CAMTA1: variants seen among roughly 807,000 people sequenced by gnomAD.
The protein encoded by CAMTA1 is calmodulin-binding transcription activator 1.
Under a neutral mutation model 170.9 loss-of-function variants are expected in CAMTA1, and 27 were observed. The ratio of observed to expected loss-of-function variants is 0.16; its 90% CI spans 0.12 to 0.22. The LOEUF is 0.22. CAMTA1 is among the 10% of genes least tolerant of loss of function. CAMTA1 has a pLI of 1.00. For synonymous variants in CAMTA1, 833 were observed against 891.5 expected, an observed-to-expected ratio of 0.93 and a Z score of 1.17; for missense variants, 1,619 against 2,217.2, an observed-to-expected ratio of 0.73 and a Z score of 5.42.
chr1:7,265,006 G>A (rs966502471), intron 5 of CAMTA1, among the ~76,000 whole-genome samples: 1 of 152,206 alleles, frequency 6.6e-6, no homozygotes, highest in East Asian at 1.9e-4. Context: ...GCTGACACCA[G>A]GGCCTGCAGG....
intron 6 of CAMTA1, among the ~76,000 whole-genome samples, chr1:7,520,220 C>T (rs1420099738): frequency 4.0e-3 from 5 of 1,236 alleles, no homozygotes; most frequent in Non-Finnish European, 0.015. Context: ...CCTCCTCCTC[C>T]TCCTCCTCCC....
chr1:7,573,748 C>T (rs1463207670), intron 6 of CAMTA1, among the ~76,000 whole-genome samples: 2 of 152,276 alleles, frequency 1.3e-5, no homozygotes, highest in South Asian at 2.1e-4. Context: ...CGCAGCATGA[C>T]ATCATCGTTT....
At chr1:7,551,693 G>A (rs1334219489) in intron 6 of CAMTA1, among the ~76,000 whole-genome samples, 1 of 152,204 alleles carries the variant, frequency 6.6e-6, no homozygotes, top group East Asian at 1.9e-4. Context: ...GGTCCCCGTG[G>A]CCCTCAGAGC....
intron 5 of CAMTA1, among the ~76,000 whole-genome samples, chr1:7,254,134 A>G (rs11578746): frequency 0.11 from 17,165 of 152,208 alleles, 1,220 homozygotes; most frequent in Middle Eastern, 0.17. Context: ...GAGGGCTGGG[A>G]AATATTAATG....
intron 3 of CAMTA1, among the ~76,000 whole-genome samples, chr1:7,087,726 T>C (rs1470066698): frequency 6.6e-6 from 1 of 152,176 alleles, no homozygotes; most frequent in African/African-American, 2.4e-5. Flanking sequence ...ATTTCATAGT[T>C]TGTTATGAAG....
intron 5 of CAMTA1, among the ~76,000 whole-genome samples, chr1:7,418,461 A>T (rs111336431): frequency 2.0e-5 from 3 of 152,084 alleles, no homozygotes; most frequent in African/African-American, 7.2e-5. Context: ...GGCCTCCCAA[A>T]GTGCTTGGAT....
chr1:7,696,824 T>C (rs2096382161), intron 11 of CAMTA1, among the ~76,000 whole-genome samples: 3 of 152,156 alleles, frequency 2.0e-5, no homozygotes, highest in Admixed American at 2.0e-4. Context: ...CCATACACTC[T>C]GCACGGGAGG....
At chr1:7,003,472 A>G (rs888748024) in intron 3 of CAMTA1, among the ~76,000 whole-genome samples, 17 of 152,208 alleles carry the variant, frequency 1.1e-4, no homozygotes, top group East Asian at 7.7e-4. Context: ...ATAGATGGCT[A>G]TGTTAGTAGA....
At chr1:7,504,324 C>T (rs2478271) in intron 6 of CAMTA1, among the ~76,000 whole-genome samples, 53,842 of 152,208 alleles carry the variant, frequency 0.35, 9,752 homozygotes, top group Middle Eastern at 0.49. Context: ...CCAGGTGTGG[C>T]TCCTGGTACC....
At chr1:7,766,287 C>T (rs697672) in intron 22 of CAMTA1, among the ~76,000 whole-genome samples, 172 bp from the exon 23 acceptor site, 134,655 of 152,114 alleles carry the variant, frequency 0.89, 59,690 homozygotes, top group East Asian at 0.97. Context: ...TCACGTCTTT[C>T]CTTTGAATAT....
At chr1:7,379,539 C>T (rs1030807598) in intron 5 of CAMTA1, among the ~76,000 whole-genome samples, 1 of 152,220 alleles carries the variant, frequency 6.6e-6, no homozygotes, top group African/African-American at 2.4e-5. Context: ...TTTCAAACCG[C>T]TGGCAGAAAA....
At chr1:7,059,861 A>G (rs748217330) in intron 3 of CAMTA1, among the ~76,000 whole-genome samples, 1 of 152,198 alleles carries the variant, frequency 6.6e-6, no homozygotes, top group East Asian at 1.9e-4. Context: ...TAGGATCTAA[A>G]TCTCACAAAA....
intron 4 of CAMTA1, among the ~76,000 whole-genome samples, chr1:7,168,597 T>A (rs1333818425): frequency 6.6e-6 from 1 of 152,066 alleles, no homozygotes; most frequent in Non-Finnish European, 1.5e-5. Flanking sequence ...AGAGACAGAG[T>A]TTCACCATGT....
At chr1:7,731,077 A>C (rs1052243925) in intron 11 of CAMTA1, among the ~76,000 whole-genome samples, 2 of 151,864 alleles carry the variant, frequency 1.3e-5, no homozygotes, top group African/African-American at 4.8e-5. Context: ...CAATTCTAAC[A>C]TGTGTATGTT....
Position 7,064,110 on chromosome 1 carries a change from CCCT to C in CAMTA1, c.235-27184_235-27182del, listed in dbSNP as rs975840790. Among the ~76,000 whole-genome samples the C allele has an allele frequency of 8.0e-5, 12 of 149,864 alleles. No individual in the cohort carries two copies. The highest frequency in any genetic ancestry group is 2.1e-4 in the South Asian group (1 of 4,690). On this transcript the variant is annotated intron_variant, in intron 3 of 22. Transcript: ENST00000303635. This position sits in a 1 kb window ranked among gnomAD's most constrained non-coding sequence, Gnocchi z 5.4. ...TCCTTCTTCTCCTCCTTCTCTCCTT[CCCT>C]CCTCCTCCTTCTTCTTCTCCTCCTC...
At chr1:7,395,013 G>T (rs1161952115) in intron 5 of CAMTA1, among the ~76,000 whole-genome samples, 1 of 151,968 alleles carries the variant, frequency 6.6e-6, no homozygotes, top group East Asian at 1.9e-4. Flanking sequence ...GTCCCAAGTA[G>T]CCAGGACTAC....
In CAMTA1 at chr1:7,011,110, C is replaced by G. The variant is rs1280004990; in HGVS notation, c.235-80194C>G. ...TTACTGGCTTCTGTCTTGGCATGGT[C>G]TCTGCAGAAGGAAGCCACTGCAGAC... On this transcript the variant is annotated intron_variant, in intron 3 of 22. Transcript: ENST00000303635. 2.0e-5 allele frequency among the ~76,000 whole-genome samples: 3 copies of G among 152,226 alleles called. No homozygotes were observed. In the East Asian group the frequency reaches 5.8e-4, roughly 29 times the overall value.
intron 3 of CAMTA1, among the ~76,000 whole-genome samples, chr1:7,017,291 C>G (rs1004389859): frequency 6.6e-6 from 1 of 152,150 alleles, no homozygotes; most frequent in Non-Finnish European, 1.5e-5. Context: ...ATTTTCATTA[C>G]CTTATTTTGT....
At chr1:7,454,944 A>C (rs1481366695) in intron 5 of CAMTA1, among the ~76,000 whole-genome samples, 2 of 152,034 alleles carry the variant, frequency 1.3e-5, no homozygotes, top group East Asian at 3.9e-4. Context: ...CACCATTACT[A>C]TTATTTTCAT....
Sources: allele counts gnomAD v4.1 joint callset (sites outside exome capture counted in the v4.1 genomes callset), GRCh38; gene constraint gnomAD v4.1.1; non-coding constraint Gnocchi (gnomAD v3.1); transcripts MANE v1.5; gene names NCBI Gene and HGNC (gene_info 2026-07-23, HGNC 2026-07-21).